The following NUP214 variants were observed in gnomAD, a reference collection of about 807,000 sequenced individuals.
NUP214 encodes nucleoporin 214, also known as nuclear pore complex protein Nup214.
In NUP214, 79 loss-of-function variants were observed where a neutral mutation model predicts 196.2. The observed-to-expected ratio is 0.40, with a 90% CI of 0.34 to 0.49. The LOEUF (loss-of-function observed/expected upper bound fraction) is 0.49, where lower values mean the gene tolerates loss of function less well. NUP214 is among the 20% of genes least tolerant of loss of function. NUP214 has a pLI of 0.58. For synonymous variants in NUP214, 1,020 were observed against 990.5 expected, an observed-to-expected ratio of 1.03 and a Z score of -0.56; for missense variants, 2,468 against 2,539.0, an observed-to-expected ratio of 0.97 and a Z score of 0.60.
chr9:131,212,306 G>A (rs1229296940), intron 30 of NUP214, among the ~76,000 whole-genome samples: 1 of 152,136 alleles, frequency 6.6e-6, no homozygotes, highest in Non-Finnish European at 1.5e-5. Context: ...TTTCACCCTG[G>A]TCCTGTGATC....
intron 30 of NUP214, among the ~76,000 whole-genome samples, chr9:131,209,429 C>T (rs1834175009): frequency 1.3e-5 from 2 of 152,106 alleles, no homozygotes; most frequent in Middle Eastern, 3.2e-3. Context: ...CTTGCTCTGT[C>T]GCCCATGCTG....
At chr9:131,167,672 T>A (rs1832825397) in intron 21 of NUP214, among the ~76,000 whole-genome samples, 1 of 152,244 alleles carries the variant, frequency 6.6e-6, no homozygotes, top group South Asian at 2.1e-4. Flanking sequence ...CTGGTAGGAC[T>A]CTTTTGTAAA....
chr9:131,223,727 A>ATTTATTTATTTTTATTTTTTTTTT, intron 32 of NUP214, among the ~76,000 whole-genome samples: 1 of 15,660 alleles, frequency 6.4e-5, no homozygotes, highest in Non-Finnish European at 1.4e-4. Context: ...TTATTTATTT[A>ATTTATTTATTTTTATTTTTTTTTT]TTTTTTTTTT....
At chr9:131,195,487 A>T in intron 28 of NUP214, 193 bp downstream of exon 28, 1 of 461,784 alleles carries the variant, frequency 2.2e-6, no homozygotes, top group Non-Finnish European at 3.8e-6. Flanking sequence ...CTATTTTTAT[A>T]ATTAAGGACA....
At chr9:131,140,809 C>T in intron 11 of NUP214, 99 bp downstream of exon 11, 1 of 1,207,612 alleles carries the variant, frequency 8.3e-7, no homozygotes, top group Non-Finnish European at 1.2e-6. Flanking sequence ...TAGTGATTAT[C>T]TTTACCAGCC....
Position 131,150,928 on chromosome 9 carries a change from A to G in NUP214, c.2277+163A>G, listed in dbSNP as rs1031766684. 4.6e-5 allele frequency among the ~76,000 whole-genome samples: 7 copies of G among 152,144 alleles called. 1 individual carries two copies. The South Asian group carries it at 1.5e-3, about 32-fold the overall frequency. On this transcript the variant is annotated intron_variant, in intron 16 of 35. Transcript: ENST00000359428. ...CCTAGAATCCCTGAGTTCAAATCCT[A>G]CCTTCAGCACTTAATAAATTATGTG...
intron 27 of NUP214, among the ~76,000 whole-genome samples, chr9:131,193,629 C>CTTTTCTTTTTTTTTTTTT (rs1833678351): frequency 3.5e-5 from 1 of 28,218 alleles, no homozygotes; most frequent in Non-Finnish European, 6.5e-5. Flanking sequence ...TCTTCCTTTT[C>CTTTTCTTTTTTTTTTTTT]TTTTTTTTTT....
chr9:131,135,151 A>G, intron 8 of NUP214, 147 bp downstream of exon 8: 1 of 583,242 alleles, frequency 1.7e-6, no homozygotes, highest in Non-Finnish European at 3.0e-6. Context: ...GTGCAGTGGC[A>G]CGATTGTAGC....
chr9:131,163,253 T>C lies in NUP214; in HGVS notation c.2723+80T>C, dbSNP rs1012340362. 6.4e-6 allele frequency: 9 copies of C among 1,409,104 alleles called. No homozygotes were observed. In the African/African-American group the frequency reaches 1.0e-4, roughly 16 times the overall value. 87.3% of individuals were successfully genotyped at this position (1,409,104 alleles called of 1,614,324 possible). A position where few individuals can be genotyped will look rare whatever the true frequency, so the allele number is the denominator to read the frequency against. ...AGGGAGTCTTAGAGTGGTTCAGATA[T>C]GGGTTTGCAAGTGACTCTGTGTCTC... On this transcript the variant is annotated intron_variant, in intron 19 of 35. Transcript: ENST00000359428.
chr9:131,144,229 A>G, intron 11 of NUP214, 51 bp from the exon 12 acceptor site: 1 of 1,356,266 alleles, frequency 7.4e-7, no homozygotes, highest in Non-Finnish European at 1.0e-6. Context: ...TATTATGTGA[A>G]CCTCCACTGT....
intron 8 of NUP214, 48 bp downstream of exon 8, chr9:131,135,052 A>G (rs371022847): frequency 1.6e-6 from 2 of 1,252,844 alleles, no homozygotes; most frequent in Non-Finnish European, 1.2e-6. Context: ...CTGGAAGATC[A>G]CACCTGAGTC....
chr9:131,216,823 G>T (rs1186760085), intron 31 of NUP214, among the ~76,000 whole-genome samples: 1 of 152,132 alleles, frequency 6.6e-6, no homozygotes, highest in African/African-American at 2.4e-5. Flanking sequence ...CACCGTGCTC[G>T]GCCTTAAAAG....
At position 131,197,249 on chromosome 9, in the gene NUP214, C is replaced by G; in HGVS notation, c.3755C>G (p.Pro1252Arg). The change falls in exon 29 of 36, where the codon CCG becomes CGG. Residue 1252 changes from proline (P) to arginine (R), a missense_variant. This residue lies in a region of NUP214 where 1,801 missense variants were observed against 1,779.4 expected (regional missense o/e 1.01). Coordinates refer to ENST00000359428, the MANE Select transcript of NUP214 (RefSeq NM_005085.4). ...ATPSTKESSQ[P>R]DAFSSGGGSK... ...CCCTCCACTAAAGAGTCAAGCCAGC[C>G]GGACGCATTCTCATCTGGTGGGGGA... 1.2e-6 allele frequency: 2 copies of G among 1,614,144 alleles called. No homozygotes were observed. Among genetic ancestry groups the G allele is most frequent in the Admixed American group, 3.3e-5 (2 of 60,022 alleles).
chr9:131,208,565 C>T (rs986361502), intron 30 of NUP214, among the ~76,000 whole-genome samples: 2 of 152,124 alleles, frequency 1.3e-5, no homozygotes, highest in South Asian at 2.1e-4. Flanking sequence ...GGCGTGGTGG[C>T]GGGTGCCTGT....
rs1833938578 is a variant in NUP214 at position 131,201,547 on chromosome 9, G to A, written c.5522-100G>A. On this transcript the variant is annotated intron_variant, in intron 29 of 35. Transcript: ENST00000359428. ...ACCATTGCACTCCAGCCTGGTGACA[G>A]AGCGAGACTCTGCCTCAAAAAAAAA... The A allele has an allele frequency of 1.0e-5, 9 of 883,206 alleles. No homozygotes were observed. In the South Asian group the frequency reaches 1.4e-4, roughly 13 times the overall value. The allele number at this position is 883,206 out of a possible 1,614,324, so 54.7% of individuals were successfully genotyped here. A position where few individuals can be genotyped will look rare whatever the true frequency, so the allele number is the denominator to read the frequency against.
intron 24 of NUP214, among the ~76,000 whole-genome samples, chr9:131,185,352 G>A (rs1351415586): frequency 6.6e-6 from 1 of 152,204 alleles, no homozygotes; most frequent in African/African-American, 2.4e-5. Context: ...TTAGTGATCT[G>A]TGCCTCTGTC....
At chr9:131,184,919 ATTTC>A (rs562352936) in intron 24 of NUP214, among the ~76,000 whole-genome samples, 264 of 152,156 alleles carry the variant, frequency 1.7e-3, no homozygotes, top group African/African-American at 6.0e-3. Flanking sequence ...TTCCCTGTTG[ATTTC>A]TTTGTTTCTT....
intron 14 of NUP214, among the ~76,000 whole-genome samples, 200 bp downstream of exon 14, chr9:131,147,784 CATGTAT>C (rs1027429509): frequency 3.3e-5 from 5 of 152,172 alleles, no homozygotes; most frequent in Non-Finnish European, 5.9e-5. Context: ...ATTTTTTATT[CATGTAT>C]AATACAAATA....
Position 131,228,273 on chromosome 9 carries a change from T to A in NUP214, c.6016T>A (p.Ser2006Thr). 1 of 1,605,648 alleles carries A rather than the reference T, an allele frequency of 6.2e-7. No individual in the cohort carries two copies. Residue 2006 changes from serine to threonine, a missense_variant, in exon 33 of 36, where the codon TCG (serine) becomes ACG (threonine). Around this residue, in one of 5 missense-constraint regions of NUP214, gnomAD observed 262 missense variants for 296.5 expected, o/e 0.88. Transcript: ENST00000359428. ...CCCAGCCTTTACAAGCCCTCTGGGCTCGACGGGAGGCAAAGTGTTCGGAGA... is the reference window on the plus strand; with the variant it reads ...CCCAGCCTTTACAAGCCCTCTGGGCACGACGGGAGGCAAAGTGTTCGGAGA... ...SAPAFTSPLG[S>T]TGGKVFGEGT...
Sources: allele counts gnomAD v4.1 joint callset (sites outside exome capture counted in the v4.1 genomes callset), GRCh38; gene constraint gnomAD v4.1.1; regional missense constraint gnomAD v4.1.1; transcripts MANE v1.5; gene names NCBI Gene and HGNC (gene_info 2026-07-23, HGNC 2026-07-21).